The following POLA2 variants were observed in gnomAD, a reference collection of about 807,000 sequenced individuals.
POLA2 encodes the protein DNA polymerase alpha 2, accessory subunit.
POLA2 carries 47 observed loss-of-function variants against 82.8 expected under a neutral mutation model. The ratio of observed to expected loss-of-function variants is 0.57; its 90% CI spans 0.45 to 0.72. The LOEUF (loss-of-function observed/expected upper bound fraction) is 0.72. POLA2 is among the 30% of genes least tolerant of loss of function. The probability of loss-of-function intolerance (pLI) is 0.00; values close to 1 mark genes in which losing one functional copy is unlikely to be tolerated. For synonymous variants in POLA2, 287 were observed against 286.8 expected (o/e 1.00, Z -0.01); for missense variants, 634 against 728.1 (o/e 0.87, Z 1.49).
chr11:65,289,085 G>C lies in POLA2; in HGVS notation c.1167G>C (p.Val389=). The change falls in exon 12 of 18, where the codon GTG becomes GTC. Residue 389 remains valine (V), a synonymous_variant. Coordinates refer to ENST00000265465, the MANE Select transcript of POLA2 (RefSeq NM_002689.4). ...GPFLDAKHEQ[V]ENCLLTSPFE... Reference sequence around the variant, plus strand: ...TCCTGGATGCTAAGCATGAACAGGTGGAGGTGAGTGGGCTGGGGTGGGAAG... The same window carrying C: ...TCCTGGATGCTAAGCATGAACAGGTCGAGGTGAGTGGGCTGGGGTGGGAAG... 6.2e-7 allele frequency: 1 copy of C among 1,612,944 alleles called. No individual in the cohort carries two copies. Among genetic ancestry groups the C allele is most frequent in the Non-Finnish European group, 8.5e-7 (1 of 1,179,376 alleles).
rs767932918 is a variant in POLA2 at position 65,282,555 on chromosome 11, A to G, written c.1006+34A>G. 7.0e-6 allele frequency: 11 copies of G among 1,576,682 alleles called. No individual in the cohort carries two copies. In the Admixed American group the frequency reaches 1.5e-4, roughly 22 times the overall value. On this transcript the variant is annotated intron_variant, in intron 10 of 17. Transcript: ENST00000265465. ...CGGTTCAAATATTGTTTTGCCAACAATGAGGATGGTAGACATGAGTCCAGG... is the reference window on the plus strand; with the variant it reads ...CGGTTCAAATATTGTTTTGCCAACAGTGAGGATGGTAGACATGAGTCCAGG...
At chr11:65,281,871 C>A in intron 9 of POLA2, 139 bp downstream of exon 9, 1 of 707,132 alleles carries the variant, frequency 1.4e-6, no homozygotes, top group South Asian at 1.6e-5. Flanking sequence ...GGGAACCCAC[C>A]CCTAGGCCAG....
intron 1 of POLA2, among the ~76,000 whole-genome samples, chr11:65,263,109 C>A (rs754241299): frequency 6.6e-6 from 1 of 152,040 alleles, no homozygotes; most frequent in Non-Finnish European, 1.5e-5. Context: ...CCACTCAACA[C>A]TTTGAACTTC....
intron 10 of POLA2, 40 bp downstream of exon 10, chr11:65,282,561 AT>A: frequency 7.8e-6 from 12 of 1,535,296 alleles, no homozygotes; most frequent in Non-Finnish European, 1.1e-5. Context: ...AACAATGAGG[AT>A]GGTAGACATG....
intron 15 of POLA2, 108 bp downstream of exon 15, chr11:65,294,760 G>A (rs1011812240): frequency 4.2e-6 from 3 of 722,892 alleles, no homozygotes; most frequent in South Asian, 3.6e-5. Context: ...ACCAGAGAGA[G>A]CTGAAAGCAG....
At chr11:65,287,071 A>G (rs481574) in intron 10 of POLA2, among the ~76,000 whole-genome samples, 22,550 of 152,182 alleles carry the variant, frequency 0.15, 2,004 homozygotes, top group African/African-American at 0.23. Context: ...GCCTTGTGCC[A>G]TTCTGGGTCA....
At chr11:65,269,417 G>A (rs1044758435) in intron 4 of POLA2, among the ~76,000 whole-genome samples, 4 of 151,780 alleles carry the variant, frequency 2.6e-5, no homozygotes, top group Non-Finnish European at 4.4e-5. Flanking sequence ...AACCTGGGAG[G>A]CAGAGCTTGC....
intron 4 of POLA2, among the ~76,000 whole-genome samples, chr11:65,269,732 TG>T (rs1949502337): frequency 6.6e-6 from 1 of 152,358 alleles, no homozygotes; most frequent in African/African-American, 2.4e-5. Context: ...TTCATAAACA[TG>T]GAGTGAGCCT....
chr11:65,296,146 GA>G, intron 17 of POLA2, 156 bp downstream of exon 17: 1 of 746,932 alleles, frequency 1.3e-6, no homozygotes, highest in East Asian at 2.6e-5. Flanking sequence ...GAGGTGGTGG[GA>G]CCAGAAAACA....
chr11:65,272,355 C>T (rs529435442), intron 4 of POLA2, among the ~76,000 whole-genome samples: 1 of 152,270 alleles, frequency 6.6e-6, no homozygotes, highest in South Asian at 2.1e-4. Context: ...ACAAACAGTG[C>T]CAGGCTGAGG....
rs531300317 is a variant in POLA2 at position 65,289,959 on chromosome 11, C to T, written c.1244+87C>T. On this transcript the variant is annotated intron_variant, in intron 13 of 17. Transcript: ENST00000265465. ...TAAGAAACTGAAACTGCTTAAAAGT[C>T]GTGGCAGGGCCAGGCTCAGTGGATC... The T allele has an allele frequency of 9.7e-5, 83 of 858,402 alleles. No individual in the cohort carries two copies. In the African/African-American group the frequency reaches 1.2e-3, roughly 12 times the overall value. 53.2% of individuals were successfully genotyped at this position (858,402 alleles called of 1,614,324 possible).
At chr11:65,290,411 C>G (rs1949742651) in intron 13 of POLA2, among the ~76,000 whole-genome samples, 1 of 152,090 alleles carries the variant, frequency 6.6e-6, no homozygotes, top group Non-Finnish European at 1.5e-5. Flanking sequence ...TGGCACATGC[C>G]TGTAATCCCA....
intron 4 of POLA2, among the ~76,000 whole-genome samples, chr11:65,275,551 G>A (rs1251668492): frequency 6.6e-6 from 1 of 152,170 alleles, no homozygotes; most frequent in Non-Finnish European, 1.5e-5. Flanking sequence ...ACTATGCATT[G>A]TAAAACTCAT....
chr11:65,275,433 C>G (rs1312638186), intron 4 of POLA2, among the ~76,000 whole-genome samples: 1 of 151,434 alleles, frequency 6.6e-6, no homozygotes, highest in African/African-American at 2.4e-5. Flanking sequence ...TGAGCTCAAC[C>G]TTGTTATCTG....
At chr11:65,289,969 C>A in intron 13 of POLA2, 97 bp downstream of exon 13, 1 of 784,442 alleles carries the variant, frequency 1.3e-6, no homozygotes, top group Non-Finnish European at 2.2e-6. Context: ...CGTGGCAGGG[C>A]CAGGCTCAGT....
In POLA2 at chr11:65,281,094, C is replaced by T; in HGVS notation, c.847C>T (p.Gln283Ter). The change falls in exon 8 of 18, where the codon CAA (glutamine) becomes TAA (stop). Residue 283 changes from glutamine to a stop codon, truncating the protein, a stop_gained. Transcript: ENST00000265465. LOFTEE classifies it high-confidence loss of function. ...AGACCGGGAACATTCCTCGGGTGCT[C>T]AAATTCCAGTGGATTTATCTGAGCT... is the stretch of plus-strand genomic sequence containing the variant. ...EGDREHSSGA[Q>*]IPVDLSELKE... 6.2e-7 allele frequency: 1 copy of T among 1,614,150 alleles called. No homozygotes were observed. The highest frequency in any genetic ancestry group is 8.5e-7 in the Non-Finnish European group (1 of 1,180,002).
chr11:65,301,293 C>A (rs1949858173), downstream of POLA2, among the ~76,000 whole-genome samples: 1 of 152,152 alleles, frequency 6.6e-6, no homozygotes, highest in Admixed American at 6.5e-5. Context: ...CTGATTCTTT[C>A]TGCCCCAGAG....
At position 65,271,492 on chromosome 11, in the gene POLA2, G is replaced by T. The variant is rs528506730; in HGVS notation, c.354+2763G>T. 5.9e-5 allele frequency among the ~76,000 whole-genome samples: 9 copies of T among 152,272 alleles called. No homozygotes were observed. The South Asian group carries it at 6.2e-4, about 11-fold the overall frequency. On this transcript the variant is annotated intron_variant, in intron 4 of 17. Transcript: ENST00000265465. ...CTATTGAAGTAGATACCCTTCCAAT[G>T]ACTGAAATCCCATATTTAGGATACC...
chr11:65,292,056 C>T (rs1413656327), intron 13 of POLA2, among the ~76,000 whole-genome samples: 4 of 152,232 alleles, frequency 2.6e-5, no homozygotes, highest in African/African-American at 4.8e-5. Context: ...CTGGCCAACA[C>T]GGCGAAACCC....
Sources: allele counts gnomAD v4.1 joint callset (sites outside exome capture counted in the v4.1 genomes callset), GRCh38; gene constraint gnomAD v4.1.1; transcripts MANE v1.5; gene names NCBI Gene and HGNC (gene_info 2026-07-23, HGNC 2026-07-21).